SRGAP2: variants seen among roughly 807,000 people sequenced by gnomAD.
SRGAP2 encodes the protein SLIT-ROBO Rho GTPase activating protein 2, also known as SLIT-ROBO Rho GTPase-activating protein 2.
SRGAP2 carries 15 observed loss-of-function variants against 57.2 expected under a neutral mutation model. The observed-to-expected ratio is 0.26, with a 90% confidence interval of 0.18 to 0.40. SRGAP2 has a LOEUF of 0.40. Among genes scored for constraint, SRGAP2 ranks in the 10% least tolerant of loss-of-function variants. The pLI is 1.00. For missense variants in SRGAP2, 520 were observed against 669.6 expected (o/e 0.78, Z 2.47); for synonymous variants, 249 against 248.0 (o/e 1.00, Z -0.04).
intron 2 of SRGAP2, among the ~76,000 whole-genome samples, chr1:206,261,212 G>A (rs1486195322): frequency 1.4e-5 from 2 of 143,914 alleles, no homozygotes; most frequent in African/African-American, 2.6e-5. Context: ...AGGGAAGATG[G>A]GGGTGGGAGA....
intron 19 of SRGAP2, among the ~76,000 whole-genome samples, chr1:206,451,110 C>G (rs1553375713): frequency 8.1e-6 from 1 of 123,282 alleles, no homozygotes; most frequent in African/African-American, 3.4e-5. Context: ...GAGTGAGACC[C>G]TGTCTAAAAA....
At chr1:206,337,925 C>G (rs1571894848) in intron 3 of SRGAP2, among the ~76,000 whole-genome samples, 6 of 151,990 alleles carry the variant, frequency 3.9e-5, no homozygotes, top group Admixed American at 3.3e-4. Flanking sequence ...CCTTTAAGCG[C>G]TTGTTGCTAA....
intron 13 of SRGAP2, among the ~76,000 whole-genome samples, chr1:206,423,985 GT>G (rs1307411117): frequency 7.6e-6 from 1 of 131,900 alleles, no homozygotes; most frequent in African/African-American, 2.9e-5. Context: ...TAGAGACTGA[GT>G]TTCACCATGT....
chr1:206,355,881 C>T (rs1359141031), intron 4 of SRGAP2, among the ~76,000 whole-genome samples: 7 of 152,072 alleles, frequency 4.6e-5, no homozygotes, highest in Non-Finnish European at 7.4e-5. Context: ...GGAGGAGAAT[C>T]GCTTGAACCT....
rs1308326144 is a variant in SRGAP2, at chr1:206,203,615, G to A, written c.-578G>A. On this transcript the variant is annotated 5_prime_UTR_variant, in exon 1 of 23. Coordinates refer to ENST00000573034, the MANE Select transcript of SRGAP2 (RefSeq NM_015326.5). Reference sequence around the variant, plus strand: ...GGAGGAGAGCTCTGAGTGGGAAGCGGAGCCGGGGGCCTGGGACCCGTCGCG... The same window carrying A: ...GGAGGAGAGCTCTGAGTGGGAAGCGAAGCCGGGGGCCTGGGACCCGTCGCG... The A allele has an allele frequency of 1.7e-6, 1 of 599,724 alleles. No individual in the cohort carries two copies. Among genetic ancestry groups the A allele is most frequent in the Non-Finnish European group, 3.0e-6 (1 of 329,140 alleles). The allele number at this position is 599,724 out of a possible 1,614,324, so 37.2% of individuals were successfully genotyped here.
At chr1:206,309,610 T>G (rs2102783020) in intron 3 of SRGAP2, among the ~76,000 whole-genome samples, 1 of 151,818 alleles carries the variant, frequency 6.6e-6, no homozygotes, top group African/African-American at 2.4e-5. Flanking sequence ...TCTACCCTGG[T>G]GACCTAGAAG....
intron 15 of SRGAP2, among the ~76,000 whole-genome samples, chr1:206,437,253 C>T (rs1434150474): frequency 6.6e-6 from 1 of 152,194 alleles, no homozygotes; most frequent in Admixed American, 6.5e-5. Flanking sequence ...CGTAGCCCTA[C>T]CCATCCTGCC....
intron 13 of SRGAP2, among the ~76,000 whole-genome samples, chr1:206,429,379 T>C (rs541707738): frequency 3.3e-5 from 5 of 152,376 alleles, no homozygotes; most frequent in African/African-American, 1.2e-4. Context: ...ACCTCTTATG[T>C]GAGAGCATCA....
At chr1:206,227,591 GC>G (rs1553305814) in intron 2 of SRGAP2, among the ~76,000 whole-genome samples, 3 of 151,434 alleles carry the variant, frequency 2.0e-5, no homozygotes, top group African/African-American at 7.3e-5. Context: ...AGTTAACTCT[GC>G]CTCAGGCAAT....
At chr1:206,278,999 G>A (rs1189621392) in intron 2 of SRGAP2, among the ~76,000 whole-genome samples, 1 of 146,540 alleles carries the variant, frequency 6.8e-6, no homozygotes, top group Non-Finnish European at 1.5e-5. Context: ...ACCATGTTAG[G>A]CTGTTGGCTT....
chr1:206,231,475 G>T (rs1667632988), intron 2 of SRGAP2, among the ~76,000 whole-genome samples: 1 of 151,940 alleles, frequency 6.6e-6, no homozygotes, highest in South Asian at 2.1e-4. Flanking sequence ...AGCACCTCCA[G>T]TTGGACCTAC....
chr1:206,388,348 GC>G (rs1325208999), intron 5 of SRGAP2, among the ~76,000 whole-genome samples: 5 of 152,216 alleles, frequency 3.3e-5, no homozygotes, highest in Admixed American at 2.6e-4. Context: ...AACTCTGCTT[GC>G]CTATTTGACT....
intron 2 of SRGAP2, among the ~76,000 whole-genome samples, chr1:206,241,911 C>CGTGTGTGTGTGT (rs781785493): frequency 4.8e-5 from 5 of 104,628 alleles, no homozygotes; most frequent in Admixed American, 2.8e-4. Flanking sequence ...GAGGTGTTTG[C>CGTGTGTGTGTGT]GTGTGTGTGT....
Position 206,463,912 on chromosome 1 carries a change from A to G in SRGAP2, c.*2492A>G, listed in dbSNP as rs1407440443. The G allele has an allele frequency of 2.0e-5, 3 of 152,714 alleles. No individual in the cohort carries two copies. The highest frequency in any genetic ancestry group is 4.4e-5 in the Non-Finnish European group (3 of 68,090). 9.5% of individuals were successfully genotyped at this position (152,714 alleles called of 1,614,324 possible). The stretch of plus-strand genomic sequence containing the variant: ...CTAGGGAGACCAGCCTTCCTCAGCT[A>G]TGCTTGCCGAAACCAGCATGATGCT... On this transcript the variant is annotated 3_prime_UTR_variant, in exon 23 of 23. Coordinates refer to ENST00000573034, the MANE Select transcript of SRGAP2 (RefSeq NM_015326.5).
intron 2 of SRGAP2, among the ~76,000 whole-genome samples, chr1:206,265,805 G>GT (rs1393016646): frequency 6.6e-6 from 1 of 150,876 alleles, no homozygotes; most frequent in Non-Finnish European, 1.5e-5. Flanking sequence ...AAGTGAACGT[G>GT]TTTTTTTCTC....
At chr1:206,367,038 A>G (rs1445722340) in intron 4 of SRGAP2, among the ~76,000 whole-genome samples, 1 of 151,218 alleles carries the variant, frequency 6.6e-6, no homozygotes, top group African/African-American at 2.4e-5. Context: ...TGCTTTTGCC[A>G]TTTGCCCTTT....
chr1:206,247,412 A>G (rs1365274047), intron 2 of SRGAP2, among the ~76,000 whole-genome samples: 2 of 150,144 alleles, frequency 1.3e-5, no homozygotes, highest in Non-Finnish European at 3.0e-5. Flanking sequence ...TTATGTGGGC[A>G]TATTTGGTTG....
At chr1:206,290,656 A>G (rs1671263174) in intron 2 of SRGAP2, among the ~76,000 whole-genome samples, 1 of 151,486 alleles carries the variant, frequency 6.6e-6, no homozygotes, top group Non-Finnish European at 1.5e-5. Context: ...AAAAAAAAAA[A>G]AAAAAAAAGA....
chr1:206,460,126 A>C (rs1383475180), intron 22 of SRGAP2, among the ~76,000 whole-genome samples: 2 of 152,194 alleles, frequency 1.3e-5, no homozygotes, highest in East Asian at 3.8e-4. Context: ...CGACAAAGAA[A>C]CCTTAACCAA....
Sources: gnomAD v4.1 joint callset for allele counts (sites outside exome capture counted in the v4.1 genomes callset) on GRCh38, gnomAD v4.1.1 for gene constraint, MANE v1.5 for transcripts, NCBI Gene and HGNC (gene_info 2026-07-23, HGNC 2026-07-21) for gene names.